NFE2L3: variants seen among roughly 807,000 people sequenced by gnomAD.
NFE2L3 encodes the protein NFE2 like bZIP transcription factor 3, also known as nuclear factor erythroid 2-related factor 3.
Under a neutral mutation model 23.5 loss-of-function variants are expected in NFE2L3, and 18 were observed. The ratio of observed to expected loss-of-function variants is 0.77; its 90% CI spans 0.53 to 1.13. The LOEUF is 1.13. NFE2L3 is among the 50% of genes most tolerant of loss of function. The probability of loss-of-function intolerance (pLI) is 0.00; values close to 1 mark genes in which losing one functional copy is unlikely to be tolerated. For synonymous variants in NFE2L3, 424 were observed against 354.5 expected, an observed-to-expected ratio of 1.20 and a Z score of -2.20; for missense variants, 1,152 against 877.2, an observed-to-expected ratio of 1.31 and a Z score of -3.96.
chr7:26,168,697 C>CT (rs1653190879), intron 1 of NFE2L3, among the ~76,000 whole-genome samples: 1 of 151,952 alleles, frequency 6.6e-6, no homozygotes, highest in Admixed American at 6.6e-5. Flanking sequence ...ATGCAAGTAT[C>CT]TTTTTTGTAT....
At chr7:26,181,679 A>G (rs934717851) in intron 2 of NFE2L3, among the ~76,000 whole-genome samples, 1 of 152,224 alleles carries the variant, frequency 6.6e-6, no homozygotes. Context: ...GAGTCAGCAT[A>G]TGCAAAAGTC....
At chr7:26,178,912 TCCC>T (rs760941337) in intron 2 of NFE2L3, among the ~76,000 whole-genome samples, 19 of 152,240 alleles carry the variant, frequency 1.2e-4, no homozygotes, top group Non-Finnish European at 2.1e-4. Flanking sequence ...CATGTCCCCT[TCCC>T]AGAATGTGGA....
intron 1 of NFE2L3, among the ~76,000 whole-genome samples, chr7:26,158,819 C>T (rs1784125605): frequency 6.6e-6 from 1 of 152,190 alleles, no homozygotes; most frequent in Non-Finnish European, 1.5e-5. Context: ...GGGAAGATCC[C>T]AGTGCCACAC....
Position 26,152,908 on chromosome 7 carries a change from G to T in NFE2L3, c.410G>T (p.Gly137Val), listed in dbSNP as rs1230921707. The change falls in exon 1 of 4, where the codon GGA becomes GTA. Residue 137 changes from glycine (G) to valine (V), a missense_variant. Transcript: ENST00000056233. The surrounding 1 kb of genome is among the most constrained non-coding windows in gnomAD (Gnocchi z 4.4). ...GGCGCCGCCGCCGCCTCGTCCACCG[G>T]AGGAGCCGGCGCCAGCGTGGACGGC... is the stretch of plus-strand genomic sequence containing the variant. ...LLGAAAASST[G>V]GAGASVDGGS... 2 of 1,446,614 alleles carry T rather than the reference G, an allele frequency of 1.4e-6. No individual in the cohort carries two copies. The highest frequency in any genetic ancestry group is 1.8e-6 in the Non-Finnish European group (2 of 1,110,984). The allele number at this position is 1,446,614 out of a possible 1,614,324, so 89.6% of individuals were successfully genotyped here.
chr7:26,169,481 T>C (rs1048586635), intron 1 of NFE2L3, among the ~76,000 whole-genome samples: 3 of 152,168 alleles, frequency 2.0e-5, no homozygotes, highest in African/African-American at 7.2e-5. Flanking sequence ...GGGATGGGTG[T>C]GACCTTAGGG....
At chr7:26,180,107 A>G (rs1309213561) in intron 2 of NFE2L3, among the ~76,000 whole-genome samples, 1 of 152,064 alleles carries the variant, frequency 6.6e-6, no homozygotes, top group Non-Finnish European at 1.5e-5. Flanking sequence ...CAGTTCCCTA[A>G]CTATGGCTCT....
At chr7:26,161,791 G>A (rs1784177231) in intron 1 of NFE2L3, among the ~76,000 whole-genome samples, 1 of 152,020 alleles carries the variant, frequency 6.6e-6, no homozygotes, top group Non-Finnish European at 1.5e-5. Context: ...GGGGAATGGG[G>A]ATCTAGCATG....
intron 1 of NFE2L3, among the ~76,000 whole-genome samples, chr7:26,164,487 C>T (rs542225411): frequency 9.3e-4 from 142 of 152,250 alleles, no homozygotes; most frequent in African/African-American, 3.0e-3. Context: ...ATCCTTTGCC[C>T]GCTTGTTGAT....
intron 1 of NFE2L3, among the ~76,000 whole-genome samples, chr7:26,166,971 CA>C (rs749098057): frequency 6.6e-6 from 1 of 152,226 alleles, no homozygotes; most frequent in Non-Finnish European, 1.5e-5. Flanking sequence ...AGGCTGTTCA[CA>C]AAGGGTATTT....
Position 26,185,910 on chromosome 7 carries a change from TAAC to T in NFE2L3, c.*128_*130del. 1 of 804,010 alleles carries T rather than the reference TAAC, an allele frequency of 1.2e-6. No individual in the cohort carries two copies. The highest frequency in any genetic ancestry group is 1.9e-6 in the Non-Finnish European group (1 of 526,180). The allele number at this position is 804,010 out of a possible 1,614,324, so 49.8% of individuals were successfully genotyped here. A position where few individuals can be genotyped will look rare whatever the true frequency, so the allele number is the denominator to read the frequency against. ...AGTACTGCTACTTGAATAACTCAGTTAACGCTGTTTTGAAGCTTACATGGACAA... is the reference window on the plus strand; with the variant it reads ...AGTACTGCTACTTGAATAACTCAGTTGCTGTTTTGAAGCTTACATGGACAA... On this transcript the variant is annotated 3_prime_UTR_variant, in exon 4 of 4. Coordinates refer to ENST00000056233, the MANE Select transcript of NFE2L3 (RefSeq NM_004289.7).
chr7:26,165,215 A>C (rs1208363290), intron 1 of NFE2L3, among the ~76,000 whole-genome samples: 1 of 152,206 alleles, frequency 6.6e-6, no homozygotes, highest in Non-Finnish European at 1.5e-5. Context: ...TGGGGATGGC[A>C]TTGAATCTAT....
intron 2 of NFE2L3, 39 bp from the exon 3 acceptor site, chr7:26,183,662 C>CT: frequency 7.6e-7 from 1 of 1,322,482 alleles, no homozygotes; most frequent in Non-Finnish European, 1.1e-6. Flanking sequence ...CCAGTTCAGT[C>CT]TTTTATGTGA....
intron 1 of NFE2L3, chr7:26,174,728 TA>T (rs35915135): frequency 6.6e-6 from 1 of 152,212 alleles, no homozygotes; most frequent in Non-Finnish European, 1.5e-5. Context: ...AACCTTCACT[TA>T]AAAATGTTTT....
At chr7:26,161,205 A>G (rs191822103) in intron 1 of NFE2L3, among the ~76,000 whole-genome samples, 123 of 152,274 alleles carry the variant, frequency 8.1e-4, no homozygotes, top group African/African-American at 2.7e-3. Context: ...ATGATCACCA[A>G]CTTCAAATAT....
At chr7:26,159,950 T>C (rs1484709315) in intron 1 of NFE2L3, among the ~76,000 whole-genome samples, 2 of 108,374 alleles carry the variant, frequency 1.8e-5, no homozygotes, top group African/African-American at 9.3e-5. Flanking sequence ...ATCTTGTTGC[T>C]TTTTTTTTTT....
At chr7:26,176,207 CAGA>C (rs992599246) in intron 1 of NFE2L3, among the ~76,000 whole-genome samples, 7 of 152,158 alleles carry the variant, frequency 4.6e-5, no homozygotes, top group Admixed American at 1.3e-4. Context: ...CATCCCAAGG[CAGA>C]AGAATTTTTC....
At position 26,185,167 on chromosome 7, in the gene NFE2L3, C is replaced by T. The variant is rs767647938; in HGVS notation, c.1469C>T (p.Thr490Ile). The T allele has an allele frequency of 1.9e-6, 3 of 1,613,876 alleles. No individual in the cohort carries two copies. Among genetic ancestry groups the T allele is most frequent in the Non-Finnish European group, 1.7e-6 (2 of 1,179,844 alleles). Reference protein sequence around the residue: ...QSDSDFHGDLTFQHVFHNHTY... With the variant: ...QSDSDFHGDLIFQHVFHNHTY... ...GATTCTGATTTCCATGGAGATCTTA[C>T]ATTTCAACACGTATTTCATAACCAC... The change falls in exon 4 of 4, where the codon ACA (threonine) becomes ATA (isoleucine). Residue 490 changes from threonine (T) to isoleucine (I), a missense_variant. Physicochemically the swap from Thr to Ile is moderately conservative, Grantham distance 89 (BLOSUM62 -1). Transcript: ENST00000056233.
At position 26,152,687 on chromosome 7, in the gene NFE2L3, G is replaced by C. The variant is rs1423764339; in HGVS notation, c.189G>C (p.Ser63=). The C allele has an allele frequency of 1.3e-6, 2 of 1,482,186 alleles. No homozygotes were observed. The highest frequency in any genetic ancestry group is 1.3e-5 in the South Asian group (1 of 77,822). 91.8% of individuals were successfully genotyped at this position (1,482,186 alleles called of 1,614,324 possible). The change falls in exon 1 of 4, where the codon TCG becomes TCC. Residue 63 remains serine, a synonymous_variant. Coordinates refer to ENST00000056233, the MANE Select transcript of NFE2L3 (RefSeq NM_004289.7). The surrounding 1 kb of genome is among the most constrained non-coding windows in gnomAD (Gnocchi z 4.4). ...ASSAYALSPF[S]ASGGWGRAGH... ...CCGCCTACGCGCTCAGCCCCTTCTC[G>C]GCCTCGGGAGGGTGGGGGCGCGCGG...
chr7:26,183,796 T>C lies in NFE2L3; in HGVS notation c.834+12T>C. 1 of 1,593,462 alleles carries C rather than the reference T, an allele frequency of 6.3e-7. No individual in the cohort carries two copies. The highest frequency in any genetic ancestry group is 2.2e-5 in the East Asian group (1 of 44,792). On this transcript the variant is annotated intron_variant, in intron 3 of 3. Transcript: ENST00000056233. ...AAAATTCACTGGAGGTAATTGGAAC[T>C]TTGGCTTTTATCCTCGCAGGAACAT...
Sources: gnomAD v4.1 joint callset for allele counts (sites outside exome capture counted in the v4.1 genomes callset) on GRCh38, gnomAD v4.1.1 for gene constraint, Gnocchi (gnomAD v3.1) non-coding constraint, MANE v1.5 for transcripts, NCBI Gene and HGNC (gene_info 2026-07-23, HGNC 2026-07-21) for gene names.